The following IQCJ variants were observed in gnomAD, a reference collection of about 807,000 sequenced individuals.
IQCJ encodes the protein IQ domain-containing protein J.
IQCJ carries 9 observed loss-of-function variants against 11.0 expected under a neutral mutation model. The ratio of observed to expected loss-of-function variants is 0.82; its 90% CI spans 0.49 to 1.43. The LOEUF (loss-of-function observed/expected upper bound fraction) is 1.43. Ranked by LOEUF, IQCJ falls within the 40% of genes most tolerant of loss-of-function variation. The pLI is 0.00. For synonymous variants in IQCJ, 55 were observed against 51.3 expected (o/e 1.07, Z -0.31); for missense variants, 146 against 133.2 (o/e 1.10, Z -0.47).
chr3:159,167,879 AAG>A (rs1396554914), intron 1 of IQCJ, among the ~76,000 whole-genome samples: 1 of 152,238 alleles, frequency 6.6e-6, no homozygotes, highest in African/African-American at 2.4e-5. Context: ...AAGAGAAGAC[AAG>A]AGATAAAACT....
intron 1 of IQCJ, among the ~76,000 whole-genome samples, chr3:159,141,759 C>A (rs1462869413): frequency 2.0e-5 from 3 of 152,226 alleles, no homozygotes; most frequent in South Asian, 2.1e-4. Flanking sequence ...ATTATGTGAG[C>A]ACTTACTATA....
intron 1 of IQCJ, among the ~76,000 whole-genome samples, chr3:159,239,015 A>G (rs999670981): frequency 6.6e-6 from 1 of 152,154 alleles, no homozygotes; most frequent in Non-Finnish European, 1.5e-5. Context: ...GACAAATGGG[A>G]CTAGCAAGAG....
intron 1 of IQCJ, among the ~76,000 whole-genome samples, chr3:159,147,416 G>C (rs900023542): frequency 6.6e-6 from 1 of 152,106 alleles, no homozygotes; most frequent in Non-Finnish European, 1.5e-5. Flanking sequence ...AGAATAATAG[G>C]TTACGTTTTC....
chr3:159,165,405 A>G (rs966588239), intron 1 of IQCJ, among the ~76,000 whole-genome samples: 1 of 152,190 alleles, frequency 6.6e-6, no homozygotes, highest in Non-Finnish European at 1.5e-5. Context: ...AACTTCAGGT[A>G]CTATGTGCCA....
At chr3:159,077,450 A>C (rs972922346) in intron 1 of IQCJ, among the ~76,000 whole-genome samples, 2 of 152,170 alleles carry the variant, frequency 1.3e-5, no homozygotes, top group Non-Finnish European at 2.9e-5. Context: ...ATAAACAACT[A>C]AGTATTCAGC....
At chr3:159,234,118 A>G (rs1206461963) in intron 1 of IQCJ, among the ~76,000 whole-genome samples, 1 of 152,116 alleles carries the variant, frequency 6.6e-6, no homozygotes, top group Non-Finnish European at 1.5e-5. Context: ...TGCTTATTAT[A>G]TTGGCACCTC....
chr3:159,094,578 T>A (rs1164134704), intron 1 of IQCJ, among the ~76,000 whole-genome samples: 1 of 151,664 alleles, frequency 6.6e-6, no homozygotes, highest in Non-Finnish European at 1.5e-5. Context: ...AATGTTGTCT[T>A]TCTTTGTACA....
At chr3:159,229,025 C>T (rs186222428) in intron 1 of IQCJ, among the ~76,000 whole-genome samples, 7 of 152,278 alleles carry the variant, frequency 4.6e-5, no homozygotes, top group African/African-American at 1.7e-4. Flanking sequence ...AACTTCTAAT[C>T]CACAGTGGTG....
chr3:159,159,813 C>G (rs1047499283), intron 1 of IQCJ, among the ~76,000 whole-genome samples: 2 of 151,998 alleles, frequency 1.3e-5, no homozygotes, highest in African/African-American at 4.8e-5. Flanking sequence ...CTTTCCCTCT[C>G]TCTATATTAC....
chr3:159,206,396 A>G (rs1724659513), intron 1 of IQCJ, among the ~76,000 whole-genome samples: 1 of 152,114 alleles, frequency 6.6e-6, no homozygotes, highest in Non-Finnish European at 1.5e-5. Flanking sequence ...TTGTGTACCT[A>G]GTATCTGTTC....
At chr3:159,152,062 T>C (rs1721260254) in intron 1 of IQCJ, among the ~76,000 whole-genome samples, 1 of 152,186 alleles carries the variant, frequency 6.6e-6, no homozygotes, top group South Asian at 2.1e-4. Context: ...ATTTGGTGAA[T>C]TCCGAATGTT....
At chr3:159,134,538 A>C (rs1720176132) in intron 1 of IQCJ, among the ~76,000 whole-genome samples, 1 of 152,228 alleles carries the variant, frequency 6.6e-6, no homozygotes, top group Non-Finnish European at 1.5e-5. Flanking sequence ...CCAGAACCAC[A>C]TTTATACAAA....
intron 3 of IQCJ, among the ~76,000 whole-genome samples, chr3:159,262,221 T>G (rs996336305): frequency 6.6e-5 from 10 of 152,242 alleles, no homozygotes; most frequent in African/African-American, 2.4e-4. Flanking sequence ...ATTGAAAGAA[T>G]TTGTTGTCTC....
At chr3:159,222,765 A>C (rs1725625480) in intron 1 of IQCJ, among the ~76,000 whole-genome samples, 1 of 152,196 alleles carries the variant, frequency 6.6e-6, no homozygotes, top group African/African-American at 2.4e-5. Context: ...TACCTATAGT[A>C]ATCATTTCAC....
At chr3:159,124,812 G>A (rs1243077399) in intron 1 of IQCJ, among the ~76,000 whole-genome samples, 1 of 152,158 alleles carries the variant, frequency 6.6e-6, no homozygotes, top group Non-Finnish European at 1.5e-5. Flanking sequence ...GACTCAATGT[G>A]ATTTTCCACA....
At chr3:159,074,228 GT>G (rs1490933913) in intron 1 of IQCJ, among the ~76,000 whole-genome samples, 4 of 152,232 alleles carry the variant, frequency 2.6e-5, no homozygotes, top group Admixed American at 2.6e-4. Flanking sequence ...GCAATCAGGA[GT>G]CAGGGAGACC....
At chr3:159,198,479 C>A (rs1724125234) in intron 1 of IQCJ, among the ~76,000 whole-genome samples, 1 of 152,024 alleles carries the variant, frequency 6.6e-6, no homozygotes, top group African/African-American at 2.4e-5. Flanking sequence ...TGATGAAAAG[C>A]TATTATCTTT....
chr3:159,142,649 G>A (rs572523249), intron 1 of IQCJ, among the ~76,000 whole-genome samples: 20 of 152,066 alleles, frequency 1.3e-4, no homozygotes, highest in East Asian at 1.2e-3. Flanking sequence ...AACTCCTGAC[G>A]TCAGGTGATC....
intron 1 of IQCJ, among the ~76,000 whole-genome samples, chr3:159,164,770 C>T (rs893143844): frequency 7.2e-5 from 11 of 151,954 alleles, no homozygotes; most frequent in African/African-American, 2.4e-4. Flanking sequence ...TCCATCCCCT[C>T]CCCCCCAAAA....
Sources: gnomAD v4.1 joint callset for allele counts (sites outside exome capture counted in the v4.1 genomes callset) on GRCh38, gnomAD v4.1.1 for gene constraint, MANE v1.5 for transcripts, NCBI Gene and HGNC (gene_info 2026-07-23, HGNC 2026-07-21) for gene names.